ZMYM4: variants seen among roughly 807,000 people sequenced by gnomAD.
The protein encoded by ZMYM4 is zinc finger MYM-type containing 4.
Under a neutral mutation model 183.2 loss-of-function variants are expected in ZMYM4, and 31 were observed. The observed-to-expected ratio is 0.17, with a 90% CI of 0.13 to 0.23. ZMYM4 has a LOEUF of 0.23. Ranked by LOEUF, ZMYM4 falls within the 10% of genes least tolerant of loss-of-function variation. The probability of loss-of-function intolerance (pLI) is 1.00; values close to 1 mark genes in which losing one functional copy is unlikely to be tolerated. For missense variants in ZMYM4, 1,273 were observed against 1,840.3 expected (o/e 0.69, Z 5.64); for synonymous variants, 592 against 631.2 (o/e 0.94, Z 0.93).
chr1:35,327,542 T>C (rs1174921360), intron 2 of ZMYM4, among the ~76,000 whole-genome samples: 2 of 152,228 alleles, frequency 1.3e-5, no homozygotes, highest in Non-Finnish European at 2.9e-5. Context: ...ATAATATTTT[T>C]AGACTACCGT....
intron 3 of ZMYM4, 47 bp downstream of exon 3, chr1:35,359,493 C>G (rs753763272): frequency 1.4e-6 from 2 of 1,466,808 alleles, no homozygotes; most frequent in Non-Finnish European, 1.8e-6. Flanking sequence ...TAAAAATTAC[C>G]GATCATAATA....
At chr1:35,393,305 TAGCC>T (rs757261417) in intron 17 of ZMYM4, among the ~76,000 whole-genome samples, 6 of 152,172 alleles carry the variant, frequency 3.9e-5, no homozygotes, top group African/African-American at 7.2e-5. Context: ...ATTTTAAACT[TAGCC>T]AGCATTGTTA....
In ZMYM4 at chr1:35,397,477, A is replaced by C; in HGVS notation, c.3131A>C (p.Glu1044Ala). The change falls in exon 20 of 30, where the codon GAA becomes GCA. Residue 1044 changes from glutamate (E) to alanine (A), a missense_variant. By Grantham distance (107) the Glu-to-Ala change is moderately radical. Transcript: ENST00000314607. Reference protein sequence around the residue: ...IKEKLPTHPFEADLLEMAEMI... With the variant: ...IKEKLPTHPFAADLLEMAEMI... The stretch of plus-strand genomic sequence containing the variant: ...GAAAAGCTTCCCACACATCCATTTG[A>C]AGCTGATCTCCTTGAGATGGCAGAA... 1 of 1,613,584 alleles carries C rather than the reference A, an allele frequency of 6.2e-7. No homozygotes were observed. The highest frequency in any genetic ancestry group is 8.5e-7 in the Non-Finnish European group (1 of 1,179,706).
At chr1:35,355,083 G>A (rs973464102) in intron 2 of ZMYM4, among the ~76,000 whole-genome samples, 1 of 151,738 alleles carries the variant, frequency 6.6e-6, no homozygotes, top group Admixed American at 6.6e-5. Context: ...GCCCAGGCTG[G>A]AGTGCAGTGG....
intron 26 of ZMYM4, among the ~76,000 whole-genome samples, chr1:35,412,021 C>T (rs1246249972): frequency 3.3e-5 from 5 of 151,910 alleles, no homozygotes; most frequent in East Asian, 1.9e-4. Flanking sequence ...GTAGCTGGGA[C>T]TACAGGCGCC....
rs187498598 is a variant in ZMYM4 at position 35,358,508 on chromosome 1, G to A, written c.86-417G>A. Among the ~76,000 whole-genome samples, 30 of 152,050 alleles carry A rather than the reference G, an allele frequency of 2.0e-4. No individual in the cohort carries two copies. The South Asian group carries it at 3.5e-3, about 18-fold the overall frequency. On this transcript the variant is annotated intron_variant, in intron 2 of 29. Transcript: ENST00000314607. ...CTATTTGTCAGTCATTGTGTTAGTA[G>A]GTCTTTTGTACATACTATCACTAAT...
chr1:35,270,587 C>T (rs543352735), intron 1 of ZMYM4, among the ~76,000 whole-genome samples: 3 of 152,186 alleles, frequency 2.0e-5, no homozygotes, highest in South Asian at 4.1e-4. Context: ...GGTGAAACCC[C>T]GTCTCTACTA....
intron 5 of ZMYM4, among the ~76,000 whole-genome samples, chr1:35,368,431 G>A (rs532524391): frequency 3.3e-5 from 5 of 152,088 alleles, no homozygotes; most frequent in East Asian, 3.9e-4. Context: ...TTAACTTAAC[G>A]TACATATTGA....
chr1:35,362,744 C>T (rs776933095), intron 5 of ZMYM4, among the ~76,000 whole-genome samples: 4 of 151,792 alleles, frequency 2.6e-5, no homozygotes, highest in Non-Finnish European at 5.9e-5. Flanking sequence ...GCTCTCTTGC[C>T]CAGGCTGGAA....
At chr1:35,287,375 T>C (rs899285827) in intron 1 of ZMYM4, among the ~76,000 whole-genome samples, 1 of 151,922 alleles carries the variant, frequency 6.6e-6, no homozygotes, top group Non-Finnish European at 1.5e-5. Flanking sequence ...GTAGTAGTTT[T>C]AGGATCTACC....
chr1:35,320,415 C>T (rs748955952), intron 1 of ZMYM4, among the ~76,000 whole-genome samples: 1 of 152,210 alleles, frequency 6.6e-6, no homozygotes, highest in Non-Finnish European at 1.5e-5. Context: ...ATGCCTCTCC[C>T]CAGCATGTAT....
intron 26 of ZMYM4, among the ~76,000 whole-genome samples, chr1:35,408,512 A>C (rs556963432): frequency 6.6e-6 from 1 of 152,222 alleles, no homozygotes; most frequent in South Asian, 2.1e-4. Flanking sequence ...CTGAGATGGG[A>C]GTATCACTTG....
chr1:35,381,144 C>T, intron 7 of ZMYM4, 115 bp from the exon 8 acceptor site: 1 of 807,630 alleles, frequency 1.2e-6, no homozygotes, highest in South Asian at 3.2e-5. Flanking sequence ...ACTTAAATTC[C>T]AGTGTTATTT....
chr1:35,371,306 C>T lies in ZMYM4; in HGVS notation c.1181+679C>T, dbSNP rs150182723. ...AATTTTTTCTATGTTTTAGTAGAGA[C>T]GGGCTTTCTCTGTGTTAGCCAGGAT... On this transcript the variant is annotated intron_variant, in intron 7 of 29. Transcript: ENST00000314607. Among the ~76,000 whole-genome samples, 15 of 152,004 alleles carry T rather than the reference C, an allele frequency of 9.9e-5. 2 individuals carry two copies. The highest frequency in any genetic ancestry group is 2.7e-4 in the African/African-American group (11 of 41,456).
intron 2 of ZMYM4, among the ~76,000 whole-genome samples, chr1:35,355,434 G>GT (rs1366368102): frequency 2.0e-5 from 3 of 152,072 alleles, no homozygotes; most frequent in Non-Finnish European, 4.4e-5. Context: ...CATTTCTCTT[G>GT]TTGAACCTTA....
chr1:35,355,671 A>G (rs995528923), intron 2 of ZMYM4, among the ~76,000 whole-genome samples: 3 of 152,040 alleles, frequency 2.0e-5, no homozygotes, highest in Non-Finnish European at 2.9e-5. Context: ...TTGATCTTTT[A>G]TATTTTTATT....
chr1:35,303,104 A>C (rs1350856553), intron 1 of ZMYM4, among the ~76,000 whole-genome samples: 1 of 151,562 alleles, frequency 6.6e-6, no homozygotes, highest in Non-Finnish European at 1.5e-5. Context: ...GCAAAAAAAA[A>C]AAAACAAAAA....
At chr1:35,380,334 A>ATTTT (rs1644428060) in intron 7 of ZMYM4, among the ~76,000 whole-genome samples, 1 of 151,046 alleles carries the variant, frequency 6.6e-6, no homozygotes, top group South Asian at 2.1e-4. Context: ...TTATTTATTT[A>ATTTT]TTTATTTTTT....
Position 35,411,626 on chromosome 1 carries a change from C to T in ZMYM4, c.3949-2346C>T, listed in dbSNP as rs76262906. Among the ~76,000 whole-genome samples, 1,143 of 152,236 alleles carry T rather than the reference C, an allele frequency of 7.5e-3. 14 individuals carry two copies. The highest frequency in any genetic ancestry group is 0.026 in the African/African-American group (1,094 of 41,528). On this transcript the variant is annotated intron_variant, in intron 26 of 29. Coordinates refer to ENST00000314607, the MANE Select transcript of ZMYM4 (RefSeq NM_005095.3). The stretch of plus-strand genomic sequence containing the variant: ...AATTTTAGAATGGGTTTTTCCATTT[C>T]TGCAGAAAAAGGTCATTGGATTTTG...
Sources: gnomAD v4.1 joint callset for allele counts (sites outside exome capture counted in the v4.1 genomes callset) on GRCh38, gnomAD v4.1.1 for gene constraint, MANE v1.5 for transcripts, NCBI Gene and HGNC (gene_info 2026-07-23, HGNC 2026-07-21) for gene names.